Variants in ARHGAP17 observed in about 807,000 individuals in gnomAD.
ARHGAP17 encodes the protein rho GTPase-activating protein 17.
ARHGAP17 carries 57 observed loss-of-function variants against 99.5 expected under a neutral mutation model. The ratio of observed to expected loss-of-function variants is 0.57; its 90% CI spans 0.46 to 0.71. ARHGAP17 has a LOEUF of 0.71. ARHGAP17 is among the 30% of genes least tolerant of loss of function. The pLI, the probability that ARHGAP17 is intolerant of heterozygous loss-of-function variation, is 0.00. For synonymous variants in ARHGAP17, 417 were observed against 429.6 expected, an observed-to-expected ratio of 0.97 and a Z score of 0.36; for missense variants, 1,000 against 1,122.4, an observed-to-expected ratio of 0.89 and a Z score of 1.56.
intron 11 of ARHGAP17, among the ~76,000 whole-genome samples, 185 bp downstream of exon 11, chr16:24,952,746 A>T (rs1286139682): frequency 6.6e-6 from 1 of 152,198 alleles, no homozygotes; most frequent in African/African-American, 2.4e-5. Flanking sequence ...AAAAACAGAA[A>T]AGGAGTAAAG....
At chr16:24,931,455 C>T in intron 18 of ARHGAP17, 51 bp from the exon 19 acceptor site, 1 of 1,473,580 alleles carries the variant, frequency 6.8e-7, no homozygotes. Flanking sequence ...GAGGCAGCAA[C>T]CAACCCTGGC....
chr16:24,932,485 A>T (rs2051021371), intron 18 of ARHGAP17, among the ~76,000 whole-genome samples: 1 of 152,086 alleles, frequency 6.6e-6, no homozygotes, highest in Non-Finnish European at 1.5e-5. Context: ...AACAGCCAGG[A>T]GGGACCACCA....
chr16:24,967,859 G>A (rs1156278016), intron 6 of ARHGAP17, among the ~76,000 whole-genome samples: 2 of 151,560 alleles, frequency 1.3e-5, no homozygotes, highest in Admixed American at 6.6e-5. Context: ...CAGCAGTCCT[G>A]CTCTGAATCC....
chr16:24,977,245 G>A lies in ARHGAP17; in HGVS notation c.168C>T (p.Gly56=). Residue 56 remains glycine, a synonymous_variant, in exon 3 of 20, where the codon GGC becomes GGT. Coordinates refer to ENST00000289968, the MANE Select transcript of ARHGAP17 (RefSeq NM_001006634.3). ...SHKRLVACFQ[G]QHGTDAERRH... The stretch of plus-strand genomic sequence containing the variant: ...TCCTCTCGGCATCGGTGCCATGCTG[G>A]CCCTGGAAACATGCCACCAAGCGCT... 1 of 1,594,644 alleles carries A rather than the reference G, an allele frequency of 6.3e-7. No individual in the cohort carries two copies. The highest frequency in any genetic ancestry group is 8.6e-7 in the Non-Finnish European group (1 of 1,166,466).
intron 12 of ARHGAP17, among the ~76,000 whole-genome samples, chr16:24,951,917 A>G (rs1432561950): frequency 1.3e-5 from 2 of 152,154 alleles, no homozygotes; most frequent in Admixed American, 6.6e-5. Flanking sequence ...GTATTATCGC[A>G]CAGGTGAGAC....
At chr16:24,922,710 C>G (rs988475803) in intron 19 of ARHGAP17, among the ~76,000 whole-genome samples, 1 of 152,110 alleles carries the variant, frequency 6.6e-6, no homozygotes, top group Middle Eastern at 3.4e-3. Context: ...GGGTCTTGCT[C>G]TTTTGCCCAG....
Position 24,939,584 on chromosome 16 carries a change from G to A in ARHGAP17, c.1504C>T (p.Leu502Phe), listed in dbSNP as rs2051254047. The A allele has an allele frequency of 1.2e-6, 2 of 1,605,984 alleles. No individual in the cohort carries two copies. Among genetic ancestry groups the A allele is most frequent in the African/African-American group, 1.3e-5 (1 of 74,868 alleles). ...LVKKESFGVK[L>F]MDFQAHRRGG... Reference sequence around the variant, plus strand: ...CGCCGGTGGGCCTGGAAGTCCATAAGCTTCACACCAAAGCTACACAGAGAG... The same window carrying A: ...CGCCGGTGGGCCTGGAAGTCCATAAACTTCACACCAAAGCTACACAGAGAG... The change falls in exon 17 of 20, where the codon CTT (leucine) becomes TTT (phenylalanine). Residue 502 changes from leucine to phenylalanine, a missense_variant. Physicochemically the swap from Leu to Phe is conservative, Grantham distance 22. This residue lies in a region of ARHGAP17 where 528 missense variants were observed against 511.4 expected (regional missense o/e 1.03). Coordinates refer to ENST00000289968, the MANE Select transcript of ARHGAP17 (RefSeq NM_001006634.3).
intron 18 of ARHGAP17, among the ~76,000 whole-genome samples, chr16:24,932,408 G>A (rs2051019207): frequency 6.6e-6 from 1 of 152,090 alleles, no homozygotes. Flanking sequence ...TGACACGGAA[G>A]TGCTGCCCTC....
At chr16:24,953,113 G>T in intron 10 of ARHGAP17, 71 bp from the exon 11 acceptor site, 2 of 1,391,770 alleles carry the variant, frequency 1.4e-6, no homozygotes, top group Non-Finnish European at 2.0e-6. Context: ...AGTGTGTTCT[G>T]ATGGGTATTT....
At chr16:25,003,383 C>T (rs2141494166) in intron 1 of ARHGAP17, among the ~76,000 whole-genome samples, 1 of 151,532 alleles carries the variant, frequency 6.6e-6, no homozygotes, top group Admixed American at 6.6e-5. Flanking sequence ...TACAGGTGTG[C>T]ACCACAATGC....
chr16:24,976,143 G>A (rs1006230477), intron 3 of ARHGAP17, among the ~76,000 whole-genome samples: 5 of 152,270 alleles, frequency 3.3e-5, no homozygotes, highest in African/African-American at 7.2e-5. Context: ...AGTCAAAAAC[G>A]GGGAATGTAA....
intron 1 of ARHGAP17, among the ~76,000 whole-genome samples, chr16:24,982,978 A>ATT (rs1232826589): frequency 4.9e-5 from 1 of 20,456 alleles, no homozygotes; most frequent in African/African-American, 1.7e-4. Context: ...ATATATATAT[A>ATT]TATATATATA....
rs114483666 is a variant in ARHGAP17, at chr16:24,951,560, G to A, written c.1046+729C>T. Among the ~76,000 whole-genome samples, 439 of 152,258 alleles carry A rather than the reference G, an allele frequency of 2.9e-3. 3 individuals carry two copies. The highest frequency in any genetic ancestry group is 8.9e-3 in the African/African-American group (370 of 41,544). On this transcript the variant is annotated intron_variant, in intron 12 of 19. Coordinates refer to ENST00000289968, the MANE Select transcript of ARHGAP17 (RefSeq NM_001006634.3). ...AACTCACAGATGAACTGCCACCCCT[G>A]AAACAGGAAGACCAACCCCTTCACT... is the stretch of plus-strand genomic sequence containing the variant.
In ARHGAP17 at chr16:24,952,922, G is replaced by A. The variant is rs1242484502; in HGVS notation, c.964+9C>T. The A allele has an allele frequency of 1.2e-6, 2 of 1,613,032 alleles. No homozygotes were observed. The highest frequency in any genetic ancestry group is 8.5e-7 in the Non-Finnish European group (1 of 1,179,074). ...GTGACTTGATTTGCAGACACTCTTT[G>A]GCGCTCACCTGCTACAGCATGGGGG... On this transcript the variant is annotated intron_variant, in intron 11 of 19. Transcript: ENST00000289968.
chr16:24,936,378 T>C (rs1174087859), intron 17 of ARHGAP17: 1 of 153,326 alleles, frequency 6.5e-6, no homozygotes, highest in East Asian at 1.9e-4. Flanking sequence ...ATTAGTGTAA[T>C]GTACATAAAA....
At chr16:24,946,607 G>A (rs933483652) in intron 14 of ARHGAP17, among the ~76,000 whole-genome samples, 9 of 151,922 alleles carry the variant, frequency 5.9e-5, no homozygotes, top group African/African-American at 2.2e-4. Context: ...TGCAAGAAGA[G>A]GGCTCCGACC....
intron 7 of ARHGAP17, among the ~76,000 whole-genome samples, chr16:24,960,446 G>A (rs1236979429): frequency 1.3e-5 from 2 of 152,164 alleles, no homozygotes; most frequent in East Asian, 3.9e-4. Flanking sequence ...TCGGGAGGCT[G>A]AGGCAGGAGA....
chr16:24,968,281 C>T (rs1176369360), intron 6 of ARHGAP17, 70 bp downstream of exon 6: 3 of 1,553,934 alleles, frequency 1.9e-6, no homozygotes, highest in Admixed American at 1.7e-5. Context: ...CCATTGTGTC[C>T]ACTGTCAGTG....
chr16:25,003,949 G>A (rs2053440907), intron 1 of ARHGAP17, among the ~76,000 whole-genome samples: 2 of 152,094 alleles, frequency 1.3e-5, no homozygotes, highest in African/African-American at 4.8e-5. Context: ...CACTACCCAA[G>A]TGATTTGAAA....
Sources: allele counts gnomAD v4.1 joint callset (sites outside exome capture counted in the v4.1 genomes callset), GRCh38; gene constraint gnomAD v4.1.1; regional missense constraint gnomAD v4.1.1; transcripts MANE v1.5; gene names NCBI Gene and HGNC (gene_info 2026-07-23, HGNC 2026-07-21).